The following GRM8 variants were observed in gnomAD, a reference collection of about 807,000 sequenced individuals.
The protein encoded by GRM8 is metabotropic glutamate receptor 8.
GRM8 carries 47 observed loss-of-function variants against 87.2 expected under a neutral mutation model. The ratio of observed to expected loss-of-function variants is 0.54; its 90% CI spans 0.43 to 0.69. The LOEUF (loss-of-function observed/expected upper bound fraction) is 0.69. Ranked by LOEUF, GRM8 falls within the 30% of genes least tolerant of loss-of-function variation. The pLI, the probability that GRM8 is intolerant of heterozygous loss-of-function variation, is 0.00. For missense variants in GRM8, 1,019 were observed against 1,139.2 expected, an observed-to-expected ratio of 0.89 and a Z score of 1.52; for synonymous variants, 396 against 404.5, an observed-to-expected ratio of 0.98 and a Z score of 0.25.
intron 7 of GRM8, among the ~76,000 whole-genome samples, chr7:126,686,276 A>T (rs938504051): frequency 6.6e-6 from 1 of 152,166 alleles, no homozygotes; most frequent in Admixed American, 6.5e-5. Context: ...ACTTGTCTGC[A>T]TATTTCATTC....
chr7:126,939,893 TAA>T (rs374835307), intron 3 of GRM8, among the ~76,000 whole-genome samples: 50 of 152,356 alleles, frequency 3.3e-4, no homozygotes, highest in African/African-American at 1.2e-3. Context: ...CACTGCAGGC[TAA>T]GTGATAATTA....
intron 6 of GRM8, among the ~76,000 whole-genome samples, chr7:126,871,258 A>G (rs1799070411): frequency 6.6e-6 from 1 of 152,180 alleles, no homozygotes; most frequent in African/African-American, 2.4e-5. Context: ...CAAGCTGGTC[A>G]CATTTTGAAG....
intron 2 of GRM8, among the ~76,000 whole-genome samples, chr7:127,162,970 G>C (rs1362619660): frequency 6.6e-6 from 1 of 152,156 alleles, no homozygotes; most frequent in Non-Finnish European, 1.5e-5. Context: ...ATTGTATTTA[G>C]TTATGTGGAT....
intron 9 of GRM8, among the ~76,000 whole-genome samples, chr7:126,479,739 GATAGACAGAC>G (rs1806435905): frequency 1.9e-5 from 2 of 103,596 alleles, no homozygotes; most frequent in Admixed American, 1.9e-4. Flanking sequence ...ATGACAGAGA[GATAGACAGAC>G]AGACAGACAG....
intron 7 of GRM8, among the ~76,000 whole-genome samples, chr7:126,618,845 A>G (rs565190382): frequency 2.4e-4 from 36 of 152,220 alleles, no homozygotes; most frequent in Non-Finnish European, 4.6e-4. Context: ...CACCAGTTAG[A>G]ATGGCGATCA....
intron 6 of GRM8, among the ~76,000 whole-genome samples, chr7:126,780,569 T>A (rs1795609639): frequency 6.6e-6 from 1 of 152,106 alleles, no homozygotes; most frequent in Admixed American, 6.6e-5. Context: ...ATCTGAAAGA[T>A]AAATGGGAGT....
intron 6 of GRM8, among the ~76,000 whole-genome samples, chr7:126,783,600 C>A (rs1360550824): frequency 6.6e-6 from 1 of 152,016 alleles, no homozygotes; most frequent in East Asian, 1.9e-4. Context: ...CAGTGTATTT[C>A]CAAAATAAAG....
rs34835645 is a variant in GRM8 at position 126,864,599 on chromosome 7, C to CTA, written c.1156+37941_1156+37942dup. ...TACATATATACCTATGTATACATAC[C>CTA]TATATATATATGCCTATATAGCTTT... On this transcript the variant is annotated intron_variant, in intron 6 of 10. Coordinates refer to ENST00000339582, the MANE Select transcript of GRM8 (RefSeq NM_000845.3). Among the ~76,000 whole-genome samples, 1,138 of 151,842 alleles carry CTA rather than the reference C, an allele frequency of 7.5e-3. 26 individuals are homozygous for CTA. The highest frequency in any genetic ancestry group is 0.068 in the East Asian group (354 of 5,168).
chr7:126,765,121 T>TA (rs143679978), intron 7 of GRM8, among the ~76,000 whole-genome samples: 16,531 of 150,082 alleles, frequency 0.11, 3,058 homozygotes, highest in African/African-American at 0.38. Flanking sequence ...CATTGAGACT[T>TA]AAAAAAAAAA....
intron 2 of GRM8, among the ~76,000 whole-genome samples, chr7:127,145,081 C>T (rs1262994486): frequency 6.6e-6 from 1 of 152,016 alleles, no homozygotes; most frequent in African/African-American, 2.4e-5. Flanking sequence ...ATTGTGCACA[C>T]ACAAATGTAC....
chr7:127,199,836 A>G (rs1265171182), intron 2 of GRM8, among the ~76,000 whole-genome samples: 1 of 152,194 alleles, frequency 6.6e-6, no homozygotes, highest in Non-Finnish European at 1.5e-5. Context: ...GATGCTCTAA[A>G]GGGAAAAACC....
At chr7:127,126,179 T>A (rs558242949) in intron 2 of GRM8, among the ~76,000 whole-genome samples, 2 of 152,110 alleles carry the variant, frequency 1.3e-5, no homozygotes, top group Non-Finnish European at 2.9e-5. Context: ...TGTACTCATA[T>A]GTTTATCATA....
chr7:126,890,310 A>G (rs1800873007), intron 6 of GRM8, among the ~76,000 whole-genome samples: 1 of 152,098 alleles, frequency 6.6e-6, no homozygotes. Flanking sequence ...CTTTATGCAT[A>G]TTATTTCCTT....
Position 127,239,907 on chromosome 7 carries a change from A to G in GRM8, c.510+2788T>C, listed in dbSNP as rs553374873. On this transcript the variant is annotated intron_variant, in intron 2 of 10. Transcript: ENST00000339582. ...GAATTACAGACGATTTTCAAGTCCA[A>G]TAACTTGGTTAATAACTAGATTTGC... Among the ~76,000 whole-genome samples the G allele has an allele frequency of 2.0e-5, 3 of 152,348 alleles. No homozygotes were observed. The South Asian group carries it at 6.2e-4, about 32-fold the overall frequency.
intron 6 of GRM8, among the ~76,000 whole-genome samples, chr7:126,799,579 C>T (rs1667381854): frequency 6.6e-6 from 1 of 152,030 alleles, no homozygotes; most frequent in Admixed American, 6.5e-5. Context: ...ATCAAGAATC[C>T]CTCCTTGTAC....
At chr7:127,146,819 T>C (rs1828578866) in intron 2 of GRM8, among the ~76,000 whole-genome samples, 1 of 152,028 alleles carries the variant, frequency 6.6e-6, no homozygotes, top group Non-Finnish European at 1.5e-5. Context: ...AGTAACTCTG[T>C]ACACCACCTC....
rs145758814 is a variant in GRM8 at position 126,655,992 on chromosome 7, T to C, written c.1358-46494A>G. On this transcript the variant is annotated intron_variant, in intron 7 of 10. Coordinates refer to ENST00000339582, the MANE Select transcript of GRM8 (RefSeq NM_000845.3). The stretch of plus-strand genomic sequence containing the variant: ...TACTCAACCCTTTCTTCATAGCTGG[T>C]AATGTAACATAAATAATAAAATTTA... Among the ~76,000 whole-genome samples, 1,018 of 152,344 alleles carry C rather than the reference T, an allele frequency of 6.7e-3. 29 individuals carry two copies. The highest frequency in any genetic ancestry group is 3.3e-3 in the Non-Finnish European group (223 of 68,038).
At chr7:127,000,656 C>T (rs1813636963) in intron 3 of GRM8, among the ~76,000 whole-genome samples, 1 of 151,552 alleles carries the variant, frequency 6.6e-6, no homozygotes, top group Non-Finnish European at 1.5e-5. Flanking sequence ...TGGAAAATTT[C>T]CCTAGAATAG....
chr7:126,592,292 C>T (rs886223349), intron 8 of GRM8, among the ~76,000 whole-genome samples: 1 of 151,662 alleles, frequency 6.6e-6, no homozygotes, highest in Non-Finnish European at 1.5e-5. Context: ...TCAGCATCAC[C>T]CTGATACCAA....
Sources: gnomAD v4.1 joint callset for allele counts (sites outside exome capture counted in the v4.1 genomes callset) on GRCh38, gnomAD v4.1.1 for gene constraint, MANE v1.5 for transcripts, NCBI Gene and HGNC (gene_info 2026-07-23, HGNC 2026-07-21) for gene names.